Variants in NTNG2 observed in about 807,000 individuals in gnomAD.
The protein encoded by NTNG2 is netrin G2, also known as netrin-G2.
In NTNG2, 15 loss-of-function variants were observed where a neutral mutation model predicts 47.6. The ratio of observed to expected loss-of-function variants is 0.32; its 90% CI spans 0.21 to 0.49. NTNG2 has a LOEUF of 0.49. Among genes scored for constraint, NTNG2 ranks in the 20% least tolerant of loss-of-function variants. NTNG2 has a pLI of 0.99. For missense variants in NTNG2, 578 were observed against 764.6 expected (o/e 0.76, Z 2.88); for synonymous variants, 307 against 324.6 (o/e 0.95, Z 0.58).
At chr9:132,227,065 C>T (rs375023271) in intron 4 of NTNG2, 44 bp downstream of exon 4, 160 of 1,534,422 alleles carry the variant, frequency 1.0e-4, no homozygotes, top group Non-Finnish European at 1.4e-4. Context: ...TGGCTATAAT[C>T]TTCCCTGCCC....
At chr9:132,210,265 C>T (rs1014255723) in intron 3 of NTNG2, among the ~76,000 whole-genome samples, 6 of 152,120 alleles carry the variant, frequency 3.9e-5, no homozygotes, top group East Asian at 1.9e-4. Context: ...AATGGGATCC[C>T]GCTCTTGTAA....
At chr9:132,237,638 G>A (rs749779898) in intron 5 of NTNG2, among the ~76,000 whole-genome samples, 5 of 152,182 alleles carry the variant, frequency 3.3e-5, no homozygotes, top group Non-Finnish European at 7.3e-5. Flanking sequence ...AACCCTCCTG[G>A]AGTAGCTGGG....
chr9:132,177,063 C>G (rs150993217), intron 2 of NTNG2, among the ~76,000 whole-genome samples: 1,693 of 152,332 alleles, frequency 0.011, 29 homozygotes, highest in African/African-American at 0.037. Context: ...GATCTTGGCT[C>G]ACTGCAACCT....
Position 132,163,208 on chromosome 9 carries a change from C to A in NTNG2, c.-484+969C>A, listed in dbSNP as rs1835213106. Among the ~76,000 whole-genome samples, 1 of 152,260 alleles carries A rather than the reference C, an allele frequency of 6.6e-6. No homozygotes were observed. Among genetic ancestry groups the A allele is most frequent in the East Asian group, 1.9e-4 (1 of 5,148 alleles). On this transcript the variant is annotated intron_variant, in intron 1 of 7. Coordinates refer to ENST00000393229, the MANE Select transcript of NTNG2 (RefSeq NM_032536.4). The surrounding 1 kb of genome is among the most constrained non-coding windows in gnomAD (Gnocchi z 7.2). ...GGGAAGACGAAAAGCAGCTGCGGGG[C>A]TGCCGGGTCGTCGGTGTCCTAGGCA...
chr9:132,189,442 T>C (rs1477014360), intron 2 of NTNG2, among the ~76,000 whole-genome samples: 1 of 152,116 alleles, frequency 6.6e-6, no homozygotes, highest in Non-Finnish European at 1.5e-5. Flanking sequence ...GGTGATAAAC[T>C]GGCGGGAATT....
Position 132,198,006 on chromosome 9 carries a change from AC to A in NTNG2, c.257del (p.Pro86ArgfsTer48), listed in dbSNP as rs1838445123. ...TGCAGCAACGAGTGTGACGCCTCCA[AC>A]CCGGACCTGGCCCACCCGCCCAGGC... is the stretch of plus-strand genomic sequence containing the variant. ...YLCSNECDAS[N>X]PDLAHPPRLM... On this transcript the variant is annotated frameshift_variant, in exon 3 of 8. Coordinates refer to ENST00000393229, the MANE Select transcript of NTNG2 (RefSeq NM_032536.4). LOFTEE classifies it high-confidence loss of function. 6.2e-7 allele frequency: 1 copy of A among 1,613,192 alleles called. No individual in the cohort carries two copies. The highest frequency in any genetic ancestry group is 1.7e-5 in the Admixed American group (1 of 59,974).
At chr9:132,161,794 A>T (rs1210314086), upstream of NTNG2, 1 of 151,320 alleles carries the variant, frequency 6.6e-6, no homozygotes, top group African/African-American at 2.4e-5. This position sits in a 1 kb window ranked among gnomAD's most constrained non-coding sequence, Gnocchi z 7.2. Context: ...AGCGCCCGCC[A>T]TCTGGCCCGC....
intron 2 of NTNG2, among the ~76,000 whole-genome samples, chr9:132,169,912 A>C (rs994733084): frequency 6.6e-6 from 1 of 152,154 alleles, no homozygotes; most frequent in South Asian, 2.1e-4. Flanking sequence ...CTCTGGCAGC[A>C]TGTGGAAGAT....
chr9:132,210,003 T>C (rs1839473686), intron 3 of NTNG2, among the ~76,000 whole-genome samples: 1 of 151,942 alleles, frequency 6.6e-6, no homozygotes, highest in Non-Finnish European at 1.5e-5. Context: ...CCAGCATGTG[T>C]AAGGAGGAAA....
chr9:132,211,060 G>A (rs1035514594), intron 3 of NTNG2, among the ~76,000 whole-genome samples: 5 of 152,140 alleles, frequency 3.3e-5, no homozygotes, highest in Admixed American at 6.5e-5. Flanking sequence ...TCACAGACGC[G>A]GACCCACAGG....
chr9:132,196,667 A>G (rs1031764946), intron 2 of NTNG2, among the ~76,000 whole-genome samples: 7 of 152,142 alleles, frequency 4.6e-5, no homozygotes, highest in East Asian at 1.9e-4. Flanking sequence ...CATCAGTGAC[A>G]CTTCTCACAC....
chr9:132,205,985 G>A (rs989857894), intron 3 of NTNG2, among the ~76,000 whole-genome samples: 4 of 152,166 alleles, frequency 2.6e-5, no homozygotes, highest in African/African-American at 9.7e-5. Flanking sequence ...GACTGTCCAG[G>A]TGCAAATTCT....
Position 132,239,117 on chromosome 9 carries a change from C to T in NTNG2, c.1068C>T (p.Tyr356=), listed in dbSNP as rs780762478. Residue 356 remains tyrosine, a synonymous_variant, in exon 6 of 8, where the codon TAC becomes TAT. Transcript: ENST00000393229. ...TAGSFGNCEC[Y]GHSNRCSYID... is the part of the protein sequence containing the mutation. ...TGGCCGGCCCAGACTGCGAATGCTA[C>T]GGTCACTCCAACCGCTGCAGCTACA... 1.1e-5 allele frequency: 17 copies of T among 1,612,482 alleles called. No individual in the cohort carries two copies. The highest frequency in any genetic ancestry group is 8.9e-5 in the East Asian group (4 of 44,844).
In NTNG2 at chr9:132,208,758, A is replaced by T. The variant is rs1356402892; in HGVS notation, c.857+10149A>T. ...CTTAATTTTTTATTTTTATATTTTC[A>T]TACAGCAAAGTGGACCTTTTGGGGG... is the stretch of plus-strand genomic sequence containing the variant. On this transcript the variant is annotated intron_variant, in intron 3 of 7. Transcript: ENST00000393229. This position sits in a 1 kb window ranked among gnomAD's most constrained non-coding sequence, Gnocchi z 4.0. Among the ~76,000 whole-genome samples, 1 of 151,856 alleles carries T rather than the reference A, an allele frequency of 6.6e-6. No individual in the cohort carries two copies. The highest frequency in any genetic ancestry group is 2.4e-5 in the African/African-American group (1 of 41,306).
chr9:132,172,239 A>ACCT (rs1835982261), intron 2 of NTNG2, among the ~76,000 whole-genome samples: 2 of 151,808 alleles, frequency 1.3e-5, no homozygotes, highest in South Asian at 4.2e-4. Flanking sequence ...GTTGGACCCT[A>ACCT]CCTCCTCCTC....
Position 132,182,884 on chromosome 9 carries a change from C to T in NTNG2, c.214-15082C>T, listed in dbSNP as rs1386061342. 6.6e-6 allele frequency among the ~76,000 whole-genome samples: 1 copy of T among 152,142 alleles called. No homozygotes were observed. Among genetic ancestry groups the T allele is most frequent in the Non-Finnish European group, 1.5e-5 (1 of 68,018 alleles). ...CTTGCCTGGGAGCTTTTCATTCCCC[C>T]CCTGCCGCAGCTGCCCCCCAGACCA... On this transcript the variant is annotated intron_variant, in intron 2 of 7. Coordinates refer to ENST00000393229, the MANE Select transcript of NTNG2 (RefSeq NM_032536.4). The surrounding 1 kb of genome is among the most constrained non-coding windows in gnomAD (Gnocchi z 4.2).
intron 3 of NTNG2, among the ~76,000 whole-genome samples, chr9:132,225,280 T>G (rs1438195907): frequency 1.3e-5 from 2 of 151,316 alleles, no homozygotes; most frequent in Non-Finnish European, 3.0e-5. Context: ...TTTTGTTTTG[T>G]TTTTTTTGGA....
intron 3 of NTNG2, among the ~76,000 whole-genome samples, chr9:132,207,944 AAAT>A (rs1354337582): frequency 1.3e-5 from 2 of 152,004 alleles, no homozygotes; most frequent in Admixed American, 6.6e-5. Context: ...TCACGACAAA[AAAT>A]ACAAAAATTA....
At chr9:132,189,782 G>C (rs1310728513) in intron 2 of NTNG2, among the ~76,000 whole-genome samples, 1 of 151,930 alleles carries the variant, frequency 6.6e-6, no homozygotes, top group Non-Finnish European at 1.5e-5. Context: ...TGGGACTACA[G>C]GCACGAAACG....
Sources: allele counts gnomAD v4.1 joint callset (sites outside exome capture counted in the v4.1 genomes callset), GRCh38; gene constraint gnomAD v4.1.1; non-coding constraint Gnocchi (gnomAD v3.1); transcripts MANE v1.5; gene names NCBI Gene and HGNC (gene_info 2026-07-23, HGNC 2026-07-21).